The following ABCG1 variants were observed in gnomAD, a reference collection of about 807,000 sequenced individuals.
ABCG1 encodes the protein ATP binding cassette subfamily G member 1.
ABCG1 carries 29 observed loss-of-function variants against 69.2 expected under a neutral mutation model. The ratio of observed to expected loss-of-function variants is 0.42; its 90% CI spans 0.31 to 0.57. ABCG1 has a LOEUF of 0.57. ABCG1 is among the 20% of genes least tolerant of loss of function. The pLI, the probability that ABCG1 is intolerant of heterozygous loss-of-function variation, is 0.15. For synonymous variants in ABCG1, 370 were observed against 374.8 expected (o/e 0.99, Z 0.15); for missense variants, 718 against 898.1 (o/e 0.80, Z 2.56).
Position 42,291,025 on chromosome 21 carries a change from T to G in ABCG1, c.1394-67T>G. On this transcript the variant is annotated intron_variant, in intron 11 of 14. Transcript: ENST00000398449. This position sits in a 1 kb window ranked among gnomAD's most constrained non-coding sequence, Gnocchi z 6.4. ...CAGCCGCTCAGCTCAAGATCGCCTG[T>G]TGGGATGTTAAACGGGCTCGCTGCA... 6 of 1,188,748 alleles carry G rather than the reference T, an allele frequency of 5.0e-6. No individual in the cohort carries two copies. The highest frequency in any genetic ancestry group is 6.2e-6 in the Non-Finnish European group (5 of 802,284). The allele number at this position is 1,188,748 out of a possible 1,614,324, so 73.6% of individuals were successfully genotyped here. A position where few individuals can be genotyped will look rare whatever the true frequency, so the allele number is the denominator to read the frequency against.
At chr21:42,293,081 C>CACTACACACCAA (rs200801502) in intron 13 of ABCG1, among the ~76,000 whole-genome samples, 1 of 35,714 alleles carries the variant, frequency 2.8e-5, no homozygotes, top group Non-Finnish European at 5.9e-5. Context: ...ACACACACCA[C>CACTACACACCAA]ACACACTACA....
intron 1 of ABCG1, among the ~76,000 whole-genome samples, chr21:42,223,992 G>C (rs1438230451): frequency 6.6e-6 from 1 of 152,212 alleles, no homozygotes; most frequent in African/African-American, 2.4e-5. Flanking sequence ...CAATGGGAGA[G>C]AAGTTGCTCG....
At chr21:42,214,833 GA>G (rs4148142), upstream of ABCG1, among the ~76,000 whole-genome samples, 342 of 152,268 alleles carry the variant, frequency 2.2e-3, 5 homozygotes, top group East Asian at 0.025. Context: ...GAATTTGGGG[GA>G]AAAAAATCCC....
intron 2 of ABCG1, among the ~76,000 whole-genome samples, chr21:42,252,021 G>A (rs2068230317): frequency 6.6e-6 from 1 of 152,226 alleles, no homozygotes; most frequent in South Asian, 2.1e-4. Flanking sequence ...CATGCCATTG[G>A]GTTGCTGGAA....
chr21:42,268,020 C>T (rs1443436453), intron 2 of ABCG1, among the ~76,000 whole-genome samples: 1 of 152,166 alleles, frequency 6.6e-6, no homozygotes, highest in Non-Finnish European at 1.5e-5. Flanking sequence ...CTGGTCTGGG[C>T]TACCATCTGG....
In ABCG1 at chr21:42,276,712, C is replaced by G; in HGVS notation, c.538-183C>G. 1.6e-6 allele frequency: 1 copy of G among 622,966 alleles called. No individual in the cohort carries two copies. The highest frequency in any genetic ancestry group is 2.8e-5 in the Admixed American group (1 of 36,118). The allele number at this position is 622,966 out of a possible 1,614,324, so 38.6% of individuals were successfully genotyped here. ...TGCACCGTGACTAGTGGCACCGTGG[C>G]TAGCTGCACCGTGGCTAGCGGCATT... On this transcript the variant is annotated intron_variant, in intron 4 of 14. Coordinates refer to ENST00000398449, the MANE Select transcript of ABCG1 (RefSeq NM_016818.3). The surrounding 1 kb of genome is among the most constrained non-coding windows in gnomAD (Gnocchi z 5.3).
chr21:42,264,379 G>C (rs1456317833), intron 2 of ABCG1, among the ~76,000 whole-genome samples: 1 of 152,078 alleles, frequency 6.6e-6, no homozygotes, highest in Non-Finnish European at 1.5e-5. Flanking sequence ...CCATCCATCT[G>C]TCTGTCCCTC....
At position 42,291,781 on chromosome 21, in the gene ABCG1, G is replaced by A. The variant is rs1043877175; in HGVS notation, c.1653+125G>A. ...TGCCCTGACCCTCCTAGATGGGGTC[G>A]TTCCCACGGGAAGGGCCCGCATTGT... On this transcript the variant is annotated intron_variant, in intron 13 of 14. Coordinates refer to ENST00000398449, the MANE Select transcript of ABCG1 (RefSeq NM_016818.3). This position sits in a 1 kb window ranked among gnomAD's most constrained non-coding sequence, Gnocchi z 6.4. The A allele has an allele frequency of 1.6e-5, 19 of 1,169,202 alleles. No homozygotes were observed. Among genetic ancestry groups the A allele is most frequent in the East Asian group, 2.6e-5 (1 of 37,868 alleles). The allele number at this position is 1,169,202 out of a possible 1,614,324, so 72.4% of individuals were successfully genotyped here.
Position 42,285,965 on chromosome 21 carries a change from G to T in ABCG1, c.944G>T (p.Cys315Phe). 2 of 1,613,868 alleles carry T rather than the reference G, an allele frequency of 1.2e-6. No individual in the cohort carries two copies. Among genetic ancestry groups the T allele is most frequent in the Non-Finnish European group, 1.7e-6 (2 of 1,179,826 alleles). ...TATTTGAGGGATTTGGGTCTGAACT[G>T]CCCAACCTACCACAACCCAGCAGAT... is the stretch of plus-strand genomic sequence containing the variant. ...VPYLRDLGLNCPTYHNPADFV... is the reference protein window; with the variant it reads ...VPYLRDLGLNFPTYHNPADFV... The change falls in exon 8 of 15, where the codon TGC (cysteine) becomes TTC (phenylalanine). Residue 315 changes from cysteine (C) to phenylalanine (F), a missense_variant. By Grantham distance (205) the Cys-to-Phe change is radical. This residue lies in a region of ABCG1 where 514 missense variants were observed against 574.3 expected (regional missense o/e 0.90). Transcript: ENST00000398449.
At chr21:42,233,584 G>A (rs993778443) in intron 2 of ABCG1, among the ~76,000 whole-genome samples, 11 of 152,202 alleles carry the variant, frequency 7.2e-5, no homozygotes, top group Admixed American at 6.5e-4. Flanking sequence ...AGTTAATCTT[G>A]GTCTTGAAAT....
chr21:42,214,377 A>G (rs1190144021), upstream of ABCG1, among the ~76,000 whole-genome samples: 2 of 152,206 alleles, frequency 1.3e-5, no homozygotes, highest in Non-Finnish European at 2.9e-5. Flanking sequence ...TGCTATGAAC[A>G]ATACCTTTCT....
At chr21:42,226,115 C>A (rs749610943) in intron 2 of ABCG1, among the ~76,000 whole-genome samples, 12 of 152,138 alleles carry the variant, frequency 7.9e-5, no homozygotes, top group Non-Finnish European at 1.8e-4. Context: ...ATTTGGTGAT[C>A]TCAAAGTTCA....
intron 2 of ABCG1, among the ~76,000 whole-genome samples, chr21:42,201,970 C>T (rs2067510163): frequency 6.6e-6 from 1 of 152,234 alleles, no homozygotes; most frequent in Non-Finnish European, 1.5e-5. Context: ...GACTTGAACT[C>T]TGCCCTTGTC....
upstream of ABCG1, among the ~76,000 whole-genome samples, chr21:42,217,165 C>G (rs965469260): frequency 5.3e-5 from 8 of 152,124 alleles, no homozygotes; most frequent in African/African-American, 1.9e-4. Flanking sequence ...CGGCTGAAGC[C>G]AATTGCCTAT....
chr21:42,256,193 G>A, intron 2 of ABCG1: 1 of 1,431,300 alleles, frequency 7.0e-7, no homozygotes, highest in Non-Finnish European at 9.2e-7. Flanking sequence ...GATCATTTAG[G>A]CAGATTAAAC....
rs1242043497 is a variant in ABCG1, at chr21:42,250,004, C to CA, written c.287-21051dup. On this transcript the variant is annotated intron_variant, in intron 2 of 14. Transcript: ENST00000398449. ...TGGGTGACAGAGTGAGATTCCATCTCAAAAAAAAAAAAAAAGTGAGAGGGG... is the reference window on the plus strand; with the variant it reads ...TGGGTGACAGAGTGAGATTCCATCTCAAAAAAAAAAAAAAAAGTGAGAGGGG... Among the ~76,000 whole-genome samples the CA allele has an allele frequency of 3.4e-3, 289 of 84,192 alleles. 2 individuals carry two copies. Among genetic ancestry groups the CA allele is most frequent in the African/African-American group, 7.3e-3 (157 of 21,536 alleles). The allele number at this position is 84,192 out of a possible 152,430, so 55.2% of individuals were successfully genotyped here.
intron 1 of ABCG1, among the ~76,000 whole-genome samples, chr21:42,220,359 T>C (rs2067705024): frequency 6.6e-6 from 1 of 152,162 alleles, no homozygotes; most frequent in African/African-American, 2.4e-5. Flanking sequence ...GCATCCTGTA[T>C]TTGAAGTCAG....
intron 2 of ABCG1, among the ~76,000 whole-genome samples, chr21:42,263,094 T>C (rs1229193681): frequency 2.6e-5 from 4 of 152,226 alleles, no homozygotes; most frequent in African/African-American, 9.6e-5. Context: ...TGCAAAGCAC[T>C]GTTAGCTAAT....
intron 2 of ABCG1, among the ~76,000 whole-genome samples, chr21:42,239,738 C>T (rs1210517265): frequency 2.6e-5 from 4 of 152,238 alleles, no homozygotes; most frequent in Non-Finnish European, 5.9e-5. Flanking sequence ...GTGACCCATG[C>T]TCCTAGAGCC....
Sources: gnomAD v4.1 joint callset for allele counts (sites outside exome capture counted in the v4.1 genomes callset) on GRCh38, gnomAD v4.1.1 for gene constraint, gnomAD v4.1.1 regional missense constraint, Gnocchi (gnomAD v3.1) non-coding constraint, MANE v1.5 for transcripts, NCBI Gene and HGNC (gene_info 2026-07-23, HGNC 2026-07-21) for gene names.